BACE1: variants seen among roughly 807,000 people sequenced by gnomAD.
The protein encoded by BACE1 is beta-secretase 1.
Under a neutral mutation model 54.0 loss-of-function variants are expected in BACE1, and 21 were observed. That is an observed-to-expected ratio of 0.39 (90% CI 0.28 to 0.56). BACE1 has a LOEUF of 0.56. BACE1 is among the 20% of genes least tolerant of loss of function. The pLI is 0.63. For synonymous variants in BACE1, 232 were observed against 260.9 expected (o/e 0.89, Z 1.07); for missense variants, 511 against 661.2 (o/e 0.77, Z 2.49).
chr11:117,297,684 C>A (rs1009956921), intron 1 of BACE1, among the ~76,000 whole-genome samples: 2 of 152,066 alleles, frequency 1.3e-5, no homozygotes, highest in Non-Finnish European at 2.9e-5. Flanking sequence ...GGAGGCCAGG[C>A]CAGTAAAAGT....
rs2034694976 is a variant in BACE1, at chr11:117,300,300, C to T, written c.262-3339G>A. On this transcript the variant is annotated intron_variant, in intron 1 of 8. Transcript: ENST00000313005. ...ACACACAAAAGAAAACCAGAATAAACAGTTGGGCTTCTCTCCCGAGCAAAT... is the reference window on the plus strand; with the variant it reads ...ACACACAAAAGAAAACCAGAATAAATAGTTGGGCTTCTCTCCCGAGCAAAT... Among the ~76,000 whole-genome samples, 3 of 152,192 alleles carry T rather than the reference C, an allele frequency of 2.0e-5. No homozygotes were observed. In the South Asian group the frequency reaches 6.2e-4, roughly 31 times the overall value.
chr11:117,293,108 C>G lies in BACE1; in HGVS notation c.786G>C (p.Val262=), dbSNP rs638405. The change falls in exon 5 of 9, where the codon GTG becomes GTC. Residue 262 remains valine, a synonymous_variant. Transcript: ENST00000313005. The surrounding 1 kb of genome is among the most constrained non-coding windows in gnomAD (Gnocchi z 4.1). ...CATTGATCTCCACCCGCACAATGAT[C>G]ACCTCATAATACCACTCCCGCCGGA... The part of the protein sequence containing the change: ...TPIRREWYYE[V]IIVRVEINGQ... 0.43 allele frequency: 688,792 copies of G among 1,612,664 alleles called. 152,925 individuals carry two copies. Among genetic ancestry groups the G allele is most frequent in the East Asian group, 0.67 (29,996 of 44,814 alleles).
chr11:117,313,885 A>G (rs1465712231), intron 1 of BACE1, among the ~76,000 whole-genome samples: 2 of 152,222 alleles, frequency 1.3e-5, no homozygotes, highest in Non-Finnish European at 2.9e-5. Context: ...GAAAGCACCT[A>G]GAACAATTAA....
intron 7 of BACE1, 33 bp downstream of exon 7, chr11:117,290,867 A>T (rs1194670903): frequency 4.4e-6 from 7 of 1,607,968 alleles, no homozygotes; most frequent in Non-Finnish European, 5.9e-6. Flanking sequence ...TGTACTTTTA[A>T]GAGAGATCCC....
chr11:117,294,200 G>T, intron 3 of BACE1, 192 bp from the exon 4 acceptor site: 1 of 457,354 alleles, frequency 2.2e-6, no homozygotes. Context: ...AGTATTGATA[G>T]GTTCACAGAT....
intron 1 of BACE1, among the ~76,000 whole-genome samples, chr11:117,304,990 TCTCA>T (rs1346420033): frequency 6.7e-6 from 1 of 148,194 alleles, no homozygotes; most frequent in African/African-American, 2.5e-5. Flanking sequence ...TGAGGTGGGT[TCTCA>T]CTCTGTCACC....
chr11:117,300,303 T>C (rs571568573), intron 1 of BACE1, among the ~76,000 whole-genome samples: 2 of 152,314 alleles, frequency 1.3e-5, no homozygotes, highest in Middle Eastern at 3.4e-3. Flanking sequence ...GAATAAACAG[T>C]TGGGCTTCTC....
At chr11:117,303,733 T>C (rs1420381221) in intron 1 of BACE1, among the ~76,000 whole-genome samples, 1 of 152,206 alleles carries the variant, frequency 6.6e-6, no homozygotes, top group Non-Finnish European at 1.5e-5. Flanking sequence ...GAGTGGGGGC[T>C]CTAGCTCCAA....
chr11:117,294,761 T>A (rs536833969), intron 3 of BACE1, among the ~76,000 whole-genome samples: 1 of 151,300 alleles, frequency 6.6e-6, no homozygotes, highest in South Asian at 2.1e-4. Context: ...GGTGGGCGCC[T>A]ATAATCCCAG....
chr11:117,292,204 T>C (rs1372124966), intron 5 of BACE1: 7 of 147,248 alleles, frequency 4.8e-5, no homozygotes, highest in Non-Finnish European at 7.3e-5. Context: ...TTTTTTTTTT[T>C]TTTGAGATGG....
Position 117,293,773 on chromosome 11 carries a change from T to C in BACE1, c.705+98A>G. ...AAGAGGTTCCTCCTGATTCTAAGTA[T>C]CGGAGCCAAAACTGTGGTGTAGCTT... On this transcript the variant is annotated intron_variant, in intron 4 of 8. Coordinates refer to ENST00000313005, the MANE Select transcript of BACE1 (RefSeq NM_012104.6). This position sits in a 1 kb window ranked among gnomAD's most constrained non-coding sequence, Gnocchi z 4.1. 2.3e-6 allele frequency: 3 copies of C among 1,296,422 alleles called. No individual in the cohort carries two copies. In the South Asian group the frequency reaches 5.1e-5, roughly 22 times the overall value. 80.3% of individuals were successfully genotyped at this position (1,296,422 alleles called of 1,614,324 possible). A position where few individuals can be genotyped will look rare whatever the true frequency, so the allele number is the denominator to read the frequency against.
At position 117,293,599 on chromosome 11, in the gene BACE1, T is replaced by C. The variant is rs2034517116; in HGVS notation, c.705+272A>G. The stretch of plus-strand genomic sequence containing the variant: ...TCTGCCTTCTGACCATCAAACTGAA[T>C]AATTTTAATTCAACAGGTCTTATTT... On this transcript the variant is annotated intron_variant, in intron 4 of 8. Coordinates refer to ENST00000313005, the MANE Select transcript of BACE1 (RefSeq NM_012104.6). The surrounding 1 kb of genome is among the most constrained non-coding windows in gnomAD (Gnocchi z 4.1). 3.1e-6 allele frequency: 1 copy of C among 321,804 alleles called. No individual in the cohort carries two copies. The highest frequency in any genetic ancestry group is 5.6e-6 in the Non-Finnish European group (1 of 179,888). The allele number at this position is 321,804 out of a possible 1,614,324, so 19.9% of individuals were successfully genotyped here. A position where few individuals can be genotyped will look rare whatever the true frequency, so the allele number is the denominator to read the frequency against.
chr11:117,299,337 A>G (rs771798669), intron 1 of BACE1, among the ~76,000 whole-genome samples: 5 of 152,040 alleles, frequency 3.3e-5, no homozygotes, highest in African/African-American at 4.8e-5. Context: ...TCCTCAGTCC[A>G]GTGAAATCAA....
chr11:117,313,383 C>T (rs1329950968), intron 1 of BACE1, among the ~76,000 whole-genome samples: 1 of 152,158 alleles, frequency 6.6e-6, no homozygotes, highest in Non-Finnish European at 1.5e-5. Context: ...AGGATGTATG[C>T]ATTATTTCAG....
chr11:117,300,357 C>G (rs2034696764), intron 1 of BACE1, among the ~76,000 whole-genome samples: 1 of 152,246 alleles, frequency 6.6e-6, no homozygotes, highest in South Asian at 2.1e-4. Context: ...GGTGTGCTCC[C>G]GCCCGAGAGA....
At chr11:117,292,181 CTTTTTTT>C (rs1173571595) in intron 5 of BACE1, 14 of 62,846 alleles carry the variant, frequency 2.2e-4, no homozygotes, top group South Asian at 8.6e-4. Flanking sequence ...CTTTTCTTTT[CTTTTTTT>C]TTTTTTTTTT....
chr11:117,307,752 T>C (rs1016098946), intron 1 of BACE1, among the ~76,000 whole-genome samples: 2 of 152,088 alleles, frequency 1.3e-5, no homozygotes, highest in African/African-American at 4.8e-5. Context: ...TAAACTCTTC[T>C]TTACTGGTCT....
At chr11:117,294,139 G>A (rs1407363002) in intron 3 of BACE1, 131 bp from the exon 4 acceptor site, 2 of 1,050,608 alleles carry the variant, frequency 1.9e-6, no homozygotes, top group Admixed American at 5.6e-5. Context: ...TTAAGGCACT[G>A]AGATTTGGCA....
At chr11:117,295,726 ACT>A (rs66523924) in intron 2 of BACE1, 169,719 of 1,459,914 alleles carry the variant, frequency 0.12, 9,989 homozygotes, top group Middle Eastern at 0.12. Context: ...GGAACCATTG[ACT>A]CTCTTACTGC....
Sources: allele counts gnomAD v4.1 joint callset (sites outside exome capture counted in the v4.1 genomes callset), GRCh38; gene constraint gnomAD v4.1.1; non-coding constraint Gnocchi (gnomAD v3.1); transcripts MANE v1.5; gene names NCBI Gene and HGNC (gene_info 2026-07-23, HGNC 2026-07-21).